Variants in DDX10 observed in about 807,000 individuals in gnomAD.
DDX10 encodes probable ATP-dependent RNA helicase DDX10.
DDX10 carries 74 observed loss-of-function variants against 104.3 expected under a neutral mutation model. That is an observed-to-expected ratio of 0.71 (90% CI 0.59 to 0.86). The LOEUF is 0.86. Among genes scored for constraint, DDX10 ranks in the 40% least tolerant of loss-of-function variants. The pLI is 0.00. For synonymous variants in DDX10, 351 were observed against 353.4 expected, an observed-to-expected ratio of 0.99 and a Z score of 0.08; for missense variants, 952 against 1,040.0, an observed-to-expected ratio of 0.92 and a Z score of 1.16.
intron 6 of DDX10, among the ~76,000 whole-genome samples, chr11:108,682,973 A>AT (rs2094237691): frequency 6.6e-6 from 1 of 151,284 alleles, no homozygotes; most frequent in African/African-American, 2.4e-5. Context: ...TTTGAAGGTA[A>AT]TTTTTTCTTT....
At chr11:108,882,516 T>A (rs1401194331) in intron 16 of DDX10, among the ~76,000 whole-genome samples, 1 of 152,222 alleles carries the variant, frequency 6.6e-6, no homozygotes, top group African/African-American at 2.4e-5. Context: ...TAATTCCACC[T>A]TGTGAAGAAA....
chr11:108,685,705 A>G (rs1015432096), intron 6 of DDX10, among the ~76,000 whole-genome samples: 8 of 152,220 alleles, frequency 5.3e-5, no homozygotes, highest in Non-Finnish European at 7.3e-5. Flanking sequence ...TACAAATGGT[A>G]TTTAGAATTA....
At chr11:108,712,606 T>C (rs2094285923) in intron 10 of DDX10, among the ~76,000 whole-genome samples, 1 of 152,154 alleles carries the variant, frequency 6.6e-6, no homozygotes, top group South Asian at 2.1e-4. Flanking sequence ...CTTATATCAT[T>C]GATGTCATTC....
At chr11:108,922,321 G>A (rs1161212408) in intron 17 of DDX10, 1 of 152,060 alleles carries the variant, frequency 6.6e-6, no homozygotes, top group Admixed American at 6.6e-5. Context: ...GAGGGAGGAA[G>A]GGAGGGAGGG....
chr11:108,937,676 T>G (rs1462719835), intron 17 of DDX10, among the ~76,000 whole-genome samples: 2 of 152,218 alleles, frequency 1.3e-5, no homozygotes, highest in Non-Finnish European at 1.5e-5. Flanking sequence ...TGATTTTTTC[T>G]CTGTTGTATG....
At chr11:108,686,201 T>A (rs559756380) in intron 6 of DDX10, among the ~76,000 whole-genome samples, 1 of 152,344 alleles carries the variant, frequency 6.6e-6, no homozygotes, top group East Asian at 1.9e-4. Flanking sequence ...ACACTCTTGC[T>A]AGAATGGTGG....
intron 10 of DDX10, among the ~76,000 whole-genome samples, chr11:108,711,770 G>A (rs775096608): frequency 7.2e-5 from 11 of 152,222 alleles, no homozygotes; most frequent in Non-Finnish European, 1.0e-4. Context: ...AGCTTGAGAA[G>A]ATGTGTATTA....
At chr11:108,912,356 A>G (rs1439065065) in intron 16 of DDX10, among the ~76,000 whole-genome samples, 1 of 152,192 alleles carries the variant, frequency 6.6e-6, no homozygotes, top group Non-Finnish European at 1.5e-5. Flanking sequence ...CCTGTAATCC[A>G]TAGAGTCTAG....
At chr11:108,758,523 T>C (rs559090280) in intron 13 of DDX10, among the ~76,000 whole-genome samples, 2 of 152,220 alleles carry the variant, frequency 1.3e-5, no homozygotes, top group South Asian at 4.1e-4. Context: ...TGTAGGTTAG[T>C]AGTCTTAAAT....
At position 108,917,991 on chromosome 11, in the gene DDX10, A is replaced by C; in HGVS notation, c.2423A>C (p.Asp808Ala). ...AAATACAGAAGCTCTGAAGATTCAG[A>C]TAGTGAAGATATGGAAAATAAAATA... ...PDKYRSSEDSDSEDMENKISD... is the reference protein window; with the variant it reads ...PDKYRSSEDSASEDMENKISD... Residue 808 changes from aspartate to alanine, a missense_variant, in exon 17 of 18, where the codon GAT (aspartate) becomes GCT (alanine). Asp to Ala is a moderately radical substitution (Grantham distance 126). Around this residue, in one of 3 missense-constraint regions of DDX10, gnomAD observed 533 missense variants for 534.1 expected, o/e 1.00. Coordinates refer to ENST00000322536, the MANE Select transcript of DDX10 (RefSeq NM_004398.4). 2 of 1,613,790 alleles carry C rather than the reference A, an allele frequency of 1.2e-6. No individual in the cohort carries two copies. Among genetic ancestry groups the C allele is most frequent in the Non-Finnish European group, 1.7e-6 (2 of 1,179,912 alleles).
intron 7 of DDX10, among the ~76,000 whole-genome samples, chr11:108,689,662 G>T (rs1481764178): frequency 1.3e-5 from 2 of 152,224 alleles, no homozygotes; most frequent in Non-Finnish European, 2.9e-5. Context: ...GGATTTCAGA[G>T]ATGTCTAAGA....
At chr11:108,813,244 A>G (rs1382281607) in intron 13 of DDX10, among the ~76,000 whole-genome samples, 4 of 152,198 alleles carry the variant, frequency 2.6e-5, no homozygotes, top group Non-Finnish European at 5.9e-5. Flanking sequence ...ACTAATTCAC[A>G]TTTCTACTCA....
intron 17 of DDX10, among the ~76,000 whole-genome samples, chr11:108,931,139 A>G (rs1429472820): frequency 2.0e-5 from 3 of 152,172 alleles, no homozygotes; most frequent in Non-Finnish European, 4.4e-5. Flanking sequence ...GCAAGACCGT[A>G]TCTCAGGGGG....
intron 17 of DDX10, among the ~76,000 whole-genome samples, chr11:108,931,397 C>G (rs1049456218): frequency 2.6e-5 from 4 of 152,192 alleles, no homozygotes; most frequent in African/African-American, 9.7e-5. Context: ...AAGTTTTAGG[C>G]AACTGCCAGG....
Position 108,677,032 on chromosome 11 carries a change from C to T in DDX10, c.379-53C>T, listed in dbSNP as rs998497559. 3.9e-6 allele frequency: 6 copies of T among 1,548,772 alleles called. No individual in the cohort carries two copies. In the African/African-American group the frequency reaches 8.2e-5, roughly 21 times the overall value. The stretch of plus-strand genomic sequence containing the variant: ...GGAGGGGCAAGGTTGAGATGCAGGT[C>T]AAAAAGCTGACTTCTGATGACTTAC... On this transcript the variant is annotated intron_variant, in intron 3 of 17. Transcript: ENST00000322536.
chr11:108,836,249 A>G (rs1377727877), intron 13 of DDX10, among the ~76,000 whole-genome samples: 2 of 152,236 alleles, frequency 1.3e-5, no homozygotes. Flanking sequence ...TGAGAAATAA[A>G]TGTAACTAGA....
intron 13 of DDX10, among the ~76,000 whole-genome samples, chr11:108,802,312 T>C (rs568685331): frequency 2.6e-5 from 4 of 152,264 alleles, no homozygotes; most frequent in Admixed American, 6.5e-5. Context: ...TTGGAGACTT[T>C]TGGATTTGGG....
chr11:108,805,995 C>T (rs576442589), intron 13 of DDX10, among the ~76,000 whole-genome samples: 3 of 152,000 alleles, frequency 2.0e-5, no homozygotes, highest in Admixed American at 1.3e-4. Context: ...GAGTTTCGCT[C>T]TTGTTGCCTA....
chr11:108,808,593 T>C (rs911923911), intron 13 of DDX10, among the ~76,000 whole-genome samples: 1 of 152,122 alleles, frequency 6.6e-6, no homozygotes, highest in African/African-American at 2.4e-5. Flanking sequence ...AAATAAGTGA[T>C]CAGTAGTCCT....
Sources: allele counts gnomAD v4.1 joint callset (sites outside exome capture counted in the v4.1 genomes callset), GRCh38; gene constraint gnomAD v4.1.1; regional missense constraint gnomAD v4.1.1; transcripts MANE v1.5; gene names NCBI Gene and HGNC (gene_info 2026-07-23, HGNC 2026-07-21).